Variants in ALPK2 observed in about 807,000 individuals in gnomAD.
ALPK2 encodes alpha-protein kinase 2.
ALPK2 carries 127 observed loss-of-function variants against 163.1 expected under a neutral mutation model. That is an observed-to-expected ratio of 0.78 (90% CI 0.67 to 0.90). The LOEUF is 0.90. Ranked by LOEUF, ALPK2 falls within the 40% of genes least tolerant of loss-of-function variation. The pLI is 0.00. For missense variants in ALPK2, 2,360 were observed against 2,589.6 expected (o/e 0.91, Z 1.92); for synonymous variants, 953 against 959.1 (o/e 0.99, Z 0.12).
rs1046671340 is a variant in ALPK2 at position 58,537,924 on chromosome 18, C to A, written c.2263G>T (p.Val755Leu). ...EANDETMSPG[V>L]FSRHLPKDAR... The stretch of plus-strand genomic sequence containing the variant: ...TCCTTGGGGAGATGCCTTGAGAACA[C>A]ACCTGGGGACATAGTCTCATCATTG... Residue 755 changes from valine (V) to leucine (L), a missense_variant, in exon 5 of 13, where the codon GTG becomes TTG. Transcript: ENST00000361673. 5 of 1,614,116 alleles carry A rather than the reference C, an allele frequency of 3.1e-6. No individual in the cohort carries two copies. In the African/African-American group the frequency reaches 6.7e-5, roughly 22 times the overall value.
chr18:58,517,813 A>G (rs1213437096), intron 8 of ALPK2, among the ~76,000 whole-genome samples: 1 of 152,254 alleles, frequency 6.6e-6, no homozygotes, highest in African/African-American at 2.4e-5. Flanking sequence ...GGAAACAGGT[A>G]GCAATAAACA....
At chr18:58,573,374 ATG>A (rs1316024729) in intron 4 of ALPK2, among the ~76,000 whole-genome samples, 2 of 144,124 alleles carry the variant, frequency 1.4e-5, no homozygotes, top group South Asian at 4.3e-4. Context: ...GTATATATAT[ATG>A]TGTGTGTATA....
intron 1 of ALPK2, among the ~76,000 whole-genome samples, chr18:58,625,677 G>A (rs965087505): frequency 1.3e-5 from 2 of 152,220 alleles, no homozygotes; most frequent in African/African-American, 4.8e-5. Flanking sequence ...TAAGAGCAGG[G>A]GCCTGGTTAT....
intron 4 of ALPK2, among the ~76,000 whole-genome samples, chr18:58,548,231 C>A (rs2051729404): frequency 6.6e-6 from 1 of 152,046 alleles, no homozygotes; most frequent in South Asian, 2.1e-4. Flanking sequence ...CGAGAAAATG[C>A]AGGTTTGGGG....
chr18:58,581,977 G>A (rs1390308387), intron 3 of ALPK2, among the ~76,000 whole-genome samples: 2 of 152,142 alleles, frequency 1.3e-5, no homozygotes, highest in African/African-American at 4.8e-5. Context: ...AAACCCTCAA[G>A]TGTTGAGTCC....
intron 12 of ALPK2, 86 bp from the exon 13 acceptor site, chr18:58,482,125 A>C (rs1050818428): frequency 1.2e-5 from 11 of 942,750 alleles, no homozygotes; most frequent in Non-Finnish European, 1.9e-5. Flanking sequence ...AGGGAAAACT[A>C]ATGGTGCATG....
chr18:58,588,282 A>G (rs1279298833), intron 3 of ALPK2, among the ~76,000 whole-genome samples: 1 of 152,232 alleles, frequency 6.6e-6, no homozygotes. Context: ...GCAGAATTCT[A>G]TGGCAACTAA....
chr18:58,622,160 A>C (rs986391183), intron 1 of ALPK2, among the ~76,000 whole-genome samples: 3 of 152,172 alleles, frequency 2.0e-5, no homozygotes, highest in Non-Finnish European at 4.4e-5. Context: ...CAGCCTGGCC[A>C]ACATGGTGAA....
chr18:58,508,974 G>A (rs915341502), intron 10 of ALPK2, among the ~76,000 whole-genome samples: 1 of 150,864 alleles, frequency 6.6e-6, no homozygotes, highest in African/African-American at 2.4e-5. Context: ...ATGTTGGTGT[G>A]CTGCACCCAT....
chr18:58,524,274 T>G (rs911509157), intron 6 of ALPK2, among the ~76,000 whole-genome samples: 2 of 152,226 alleles, frequency 1.3e-5, no homozygotes, highest in Non-Finnish European at 2.9e-5. Context: ...CTCACTCCAA[T>G]AAGCAGTAGG....
At chr18:58,538,279 G>A in intron 4 of ALPK2, 55 bp from the exon 5 acceptor site, 4 of 1,453,728 alleles carry the variant, frequency 2.8e-6, no homozygotes, top group Non-Finnish European at 3.7e-6. Flanking sequence ...GCCCACAATA[G>A]GGCATAACTG....
At chr18:58,609,653 T>G (rs964144423) in intron 2 of ALPK2, among the ~76,000 whole-genome samples, 1 of 152,180 alleles carries the variant, frequency 6.6e-6, no homozygotes, top group Non-Finnish European at 1.5e-5. Flanking sequence ...GAAATGAGAC[T>G]TGCATAGGGA....
chr18:58,481,854 C>T lies in ALPK2; in HGVS notation c.6482G>A (p.Gly2161Glu), dbSNP rs2051312971. 1 of 1,614,122 alleles carries T rather than the reference C, an allele frequency of 6.2e-7. No homozygotes were observed. Residue 2161 changes from glycine to glutamate, a missense_variant, in exon 13 of 13, where the codon GGG becomes GAG. By Grantham distance (98) the Gly-to-Glu change is moderately conservative. Coordinates refer to ENST00000361673, the MANE Select transcript of ALPK2 (RefSeq NM_052947.4). The stretch of plus-strand genomic sequence containing the variant: ...TTTCTTTTCGCCTGGGGTCTCAGGC[C>T]CTGCCTTCTTTATTGTCATAGAGTT... Reference protein sequence around the residue: ...QTNSMTIKKAGPETPGEKKT With the variant: ...QTNSMTIKKAEPETPGEKKT
At chr18:58,598,254 G>A (rs1264227836) in intron 3 of ALPK2, among the ~76,000 whole-genome samples, 1 of 152,248 alleles carries the variant, frequency 6.6e-6, no homozygotes, top group Admixed American at 6.5e-5. Context: ...CCCATATGAG[G>A]GGGACTCCAC....
chr18:58,536,800 T>A lies in ALPK2; in HGVS notation c.3387A>T (p.Arg1129Ser), dbSNP rs1199662067. ...GGACCCCCTGCTTTGTTTCACTTCC[T>A]CTTTCTTGGAAATTCTCTTCATAGC... The part of the protein sequence containing the change: ...FRSYEENFQE[R>S]GSETKQGVQQ... Residue 1129 changes from arginine to serine, a missense_variant, in exon 5 of 13, where the codon AGA (arginine) becomes AGT (serine). Transcript: ENST00000361673. 2 of 1,614,114 alleles carry A rather than the reference T, an allele frequency of 1.2e-6. No individual in the cohort carries two copies. Among genetic ancestry groups the A allele is most frequent in the Non-Finnish European group, 1.7e-6 (2 of 1,180,046 alleles).
intron 10 of ALPK2, 107 bp from the exon 11 acceptor site, chr18:58,504,255 C>T: frequency 1.1e-6 from 1 of 897,306 alleles, no homozygotes; most frequent in South Asian, 1.7e-5. Context: ...GAATTTGTCC[C>T]CAATTCTGCT....
At chr18:58,497,260 A>C (rs1177364924) in intron 12 of ALPK2, among the ~76,000 whole-genome samples, 1 of 152,140 alleles carries the variant, frequency 6.6e-6, no homozygotes, top group African/African-American at 2.4e-5. Context: ...TCCCCTCCAA[A>C]AGTCATGAGC....
intron 4 of ALPK2, among the ~76,000 whole-genome samples, chr18:58,569,106 C>G (rs942726564): frequency 3.3e-5 from 5 of 152,110 alleles, no homozygotes; most frequent in African/African-American, 1.2e-4. Context: ...CTCAGCTGCT[C>G]GTGAGCCTGA....
chr18:58,595,199 C>T (rs941739594), intron 3 of ALPK2, among the ~76,000 whole-genome samples: 3 of 152,300 alleles, frequency 2.0e-5, no homozygotes, highest in East Asian at 3.9e-4. Flanking sequence ...ACCTTCCCAC[C>T]GTCATGCGCC....
Sources: allele counts gnomAD v4.1 joint callset (sites outside exome capture counted in the v4.1 genomes callset), GRCh38; gene constraint gnomAD v4.1.1; transcripts MANE v1.5; gene names NCBI Gene and HGNC (gene_info 2026-07-23, HGNC 2026-07-21).